DCC: variants seen among roughly 807,000 people sequenced by gnomAD.
DCC encodes the protein DCC netrin 1 receptor.
DCC carries 58 observed loss-of-function variants against 172.5 expected under a neutral mutation model. The ratio of observed to expected loss-of-function variants is 0.34; its 90% CI spans 0.27 to 0.42. The LOEUF is 0.42. DCC is among the 10% of genes least tolerant of loss of function. The pLI, the probability that DCC is intolerant of heterozygous loss-of-function variation, is 1.00. For synonymous variants in DCC, 709 were observed against 644.5 expected (o/e 1.10, Z -1.52); for missense variants, 1,740 against 1,791.0 (o/e 0.97, Z 0.51).
chr18:53,321,564 A>T (rs187661147), intron 13 of DCC, among the ~76,000 whole-genome samples: 1 of 152,170 alleles, frequency 6.6e-6, no homozygotes, highest in Non-Finnish European at 1.5e-5. Flanking sequence ...TTCTTGAAAG[A>T]TGGTTTTAAG....
intron 1 of DCC, among the ~76,000 whole-genome samples, chr18:52,600,010 T>A (rs1489389733): frequency 4.6e-5 from 7 of 152,194 alleles, no homozygotes. Flanking sequence ...TGGATAACAG[T>A]CATATTCTCA....
chr18:52,961,825 T>C (rs2040847132), intron 5 of DCC, among the ~76,000 whole-genome samples: 1 of 152,102 alleles, frequency 6.6e-6, no homozygotes, highest in South Asian at 2.1e-4. Context: ...CCATCTGATC[T>C]TTGACAAACC....
intron 12 of DCC, among the ~76,000 whole-genome samples, chr18:53,224,162 G>C (rs1243170561): frequency 2.0e-5 from 3 of 152,134 alleles, no homozygotes; most frequent in African/African-American, 4.8e-5. Flanking sequence ...ATCAAGAACA[G>C]TCATGCGATA....
intron 12 of DCC, among the ~76,000 whole-genome samples, chr18:53,291,309 C>T (rs1008923536): frequency 2.0e-5 from 3 of 152,068 alleles, no homozygotes; most frequent in Non-Finnish European, 4.4e-5. Flanking sequence ...ATTATTTTAT[C>T]ATGAGGGCAT....
At chr18:52,494,427 C>T (rs1479130641) in intron 1 of DCC, among the ~76,000 whole-genome samples, 2 of 151,778 alleles carry the variant, frequency 1.3e-5, no homozygotes, top group South Asian at 4.2e-4. Flanking sequence ...ATTGCTTTTG[C>T]CTCATTTTCT....
intron 5 of DCC, among the ~76,000 whole-genome samples, chr18:53,047,915 G>A (rs2042279090): frequency 7.0e-6 from 1 of 142,624 alleles, no homozygotes; most frequent in South Asian, 2.1e-4. Context: ...GTGTGTGTGT[G>A]TGTGTGTGTG....
Position 52,732,574 on chromosome 18 carries a change from C to T in DCC, c.92-19480C>T, listed in dbSNP as rs548511801. 9.2e-5 allele frequency among the ~76,000 whole-genome samples: 14 copies of T among 152,188 alleles called. No individual in the cohort carries two copies. The South Asian group carries it at 1.0e-3, about 11-fold the overall frequency. On this transcript the variant is annotated intron_variant, in intron 1 of 28. Coordinates refer to ENST00000442544, the MANE Select transcript of DCC (RefSeq NM_005215.4). ...TATGGCTGCTTTTCTGCTGCAATAA[C>T]GAAGTGGAGTAGTTGGTCCATAAAG...
rs573069568 is a variant in DCC, at chr18:53,533,169, G to A, written c.*2516G>A. The A allele has an allele frequency of 1.3e-5, 2 of 152,190 alleles. No individual in the cohort carries two copies. The highest frequency in any genetic ancestry group is 3.9e-4 in the East Asian group (2 of 5,178). 9.4% of individuals were successfully genotyped at this position (152,190 alleles called of 1,614,324 possible). On this transcript the variant is annotated 3_prime_UTR_variant, in exon 29 of 29. Coordinates refer to ENST00000442544, the MANE Select transcript of DCC (RefSeq NM_005215.4). The stretch of plus-strand genomic sequence containing the variant: ...CTTTACCCTCAAATGATTCATATAT[G>A]TATATAATTGCCTGCCCAAGTTTTC...
chr18:52,677,557 C>T (rs1349603920), intron 1 of DCC, among the ~76,000 whole-genome samples: 1 of 152,084 alleles, frequency 6.6e-6, no homozygotes, highest in African/African-American at 2.4e-5. Context: ...ATTCATCCTG[C>T]TCAGTTTTCA....
intron 5 of DCC, among the ~76,000 whole-genome samples, chr18:52,965,548 A>T (rs2040915344): frequency 3.9e-5 from 6 of 152,204 alleles, no homozygotes; most frequent in Admixed American, 3.9e-4. Context: ...ATAGGGTTAA[A>T]ACTATGGCAG....
At chr18:53,211,300 A>T (rs2055748724) in intron 11 of DCC, among the ~76,000 whole-genome samples, 1 of 152,240 alleles carries the variant, frequency 6.6e-6, no homozygotes, top group Admixed American at 6.5e-5. Flanking sequence ...AGTCAGAAAG[A>T]GTTCACAACA....
intron 25 of DCC, among the ~76,000 whole-genome samples, chr18:53,472,312 C>G (rs2045706734): frequency 6.6e-6 from 1 of 152,140 alleles, no homozygotes; most frequent in Non-Finnish European, 1.5e-5. Context: ...AATTTGGACT[C>G]AAAAGGTCTG....
At chr18:52,889,417 T>A (rs971742538) in intron 2 of DCC, among the ~76,000 whole-genome samples, 1 of 152,100 alleles carries the variant, frequency 6.6e-6, no homozygotes, top group Non-Finnish European at 1.5e-5. Flanking sequence ...ATTGACCACA[T>A]ACTACTCTAA....
Position 53,261,597 on chromosome 18 carries a change from G to A in DCC, c.1912-43981G>A, listed in dbSNP as rs375222879. On this transcript the variant is annotated intron_variant, in intron 12 of 28. Coordinates refer to ENST00000442544, the MANE Select transcript of DCC (RefSeq NM_005215.4). ...AGTCTGTGAAAGCTGAGAAGCCAAA[G>A]AGAGTGGCTATCACGCCATTCTCCT... Among the ~76,000 whole-genome samples, 625 of 152,278 alleles carry A rather than the reference G, an allele frequency of 4.1e-3. 6 individuals are homozygous for A. The highest frequency in any genetic ancestry group is 0.015 in the African/African-American group (606 of 41,578).
intron 1 of DCC, among the ~76,000 whole-genome samples, chr18:52,489,224 G>A (rs770084457): frequency 1.3e-5 from 2 of 152,020 alleles, no homozygotes; most frequent in Non-Finnish European, 2.9e-5. Context: ...GCTGGTCCAG[G>A]AAGCTCTCCG....
At chr18:53,206,278 A>T (rs1320584193) in intron 10 of DCC, among the ~76,000 whole-genome samples, 1 of 134,878 alleles carries the variant, frequency 7.4e-6, no homozygotes, top group Non-Finnish European at 1.5e-5. Flanking sequence ...ATTATAACAC[A>T]TATATACCAC....
intron 8 of DCC, 42 bp from the exon 9 acceptor site, chr18:53,178,920 T>C (rs201526482): frequency 5.0e-6 from 8 of 1,612,456 alleles, no homozygotes; most frequent in Non-Finnish European, 5.1e-6. Context: ...GCTGAAGGTA[T>C]TCTTTTTGGA....
chr18:52,800,436 G>C (rs2037962829), intron 2 of DCC, among the ~76,000 whole-genome samples: 2 of 152,146 alleles, frequency 1.3e-5, no homozygotes, highest in African/African-American at 4.8e-5. Flanking sequence ...AGTGAGATTT[G>C]AGCAGCATCT....
chr18:52,588,962 C>A (rs2033739606), intron 1 of DCC, among the ~76,000 whole-genome samples: 1 of 151,864 alleles, frequency 6.6e-6, no homozygotes, highest in Non-Finnish European at 1.5e-5. Flanking sequence ...TTTGCCTCAT[C>A]TTTATGGTAA....
Sources: gnomAD v4.1 joint callset for allele counts (sites outside exome capture counted in the v4.1 genomes callset) on GRCh38, gnomAD v4.1.1 for gene constraint, MANE v1.5 for transcripts, NCBI Gene and HGNC (gene_info 2026-07-23, HGNC 2026-07-21) for gene names.